Variants in FBXL19 observed in about 807,000 individuals in gnomAD.
The protein encoded by FBXL19 is F-box and leucine rich repeat protein 19.
In FBXL19, 16 loss-of-function variants were observed where a neutral mutation model predicts 71.2. The observed-to-expected ratio is 0.22, with a 90% CI of 0.15 to 0.34. The LOEUF (loss-of-function observed/expected upper bound fraction) is 0.34. Among genes scored for constraint, FBXL19 ranks in the 10% least tolerant of loss-of-function variants. The probability of loss-of-function intolerance (pLI) is 1.00; values close to 1 mark genes in which losing one functional copy is unlikely to be tolerated. For missense variants in FBXL19, 658 were observed against 968.2 expected, an observed-to-expected ratio of 0.68 and a Z score of 4.25; for synonymous variants, 447 against 409.4, an observed-to-expected ratio of 1.09 and a Z score of -1.11.
At chr16:30,923,223 G>A (rs946744443), upstream of FBXL19, 8 of 456,368 alleles carry the variant, frequency 1.8e-5, no homozygotes, top group African/African-American at 1.2e-4. Context: ...GGTCGGGGGA[G>A]AAGGCCATCT....
chr16:30,927,078 C>T (rs921572720), intron 2 of FBXL19, among the ~76,000 whole-genome samples: 1 of 152,180 alleles, frequency 6.6e-6, no homozygotes, highest in African/African-American at 2.4e-5. Flanking sequence ...CCCAAGAGTC[C>T]TGCGAGGGAA....
At chr16:30,924,846 G>A (rs2143300656) in intron 1 of FBXL19, 7 of 1,139,310 alleles carry the variant, frequency 6.1e-6, no homozygotes, top group Non-Finnish European at 8.2e-6. Context: ...CCATGGGAGG[G>A]GGAGCCCAAG....
At chr16:30,937,226 G>A (rs1320802039) in intron 7 of FBXL19, among the ~76,000 whole-genome samples, 1 of 152,050 alleles carries the variant, frequency 6.6e-6, no homozygotes, top group Non-Finnish European at 1.5e-5. Flanking sequence ...ATGAGTTCCT[G>A]TGGCCTGGGG....
At chr16:30,923,226 G>A (rs1286870651), upstream of FBXL19, 3 of 456,386 alleles carry the variant, frequency 6.6e-6, no homozygotes, top group Non-Finnish European at 1.3e-5. Context: ...CGGGGGAGAA[G>A]GCCATCTTGT....
intron 7 of FBXL19, among the ~76,000 whole-genome samples, chr16:30,934,094 A>G (rs2055704797): frequency 6.7e-6 from 1 of 150,214 alleles, no homozygotes; most frequent in African/African-American, 2.4e-5. Context: ...GCCAGGCATG[A>G]TGGCTCATAC....
At chr16:30,932,772 C>A (rs2055689316) in intron 7 of FBXL19, among the ~76,000 whole-genome samples, 1 of 151,986 alleles carries the variant, frequency 6.6e-6, no homozygotes, top group Non-Finnish European at 1.5e-5. Context: ...ACAGCAGGAC[C>A]ACTCAGGAGG....
rs1487167584 is a variant in FBXL19, at chr16:30,947,980, C to T, written c.*750C>T. 1 of 394,814 alleles carries T rather than the reference C, an allele frequency of 2.5e-6. No homozygotes were observed. Among genetic ancestry groups the T allele is most frequent in the Non-Finnish European group, 5.0e-6 (1 of 199,810 alleles). 24.5% of individuals were successfully genotyped at this position (394,814 alleles called of 1,614,324 possible). Reference sequence around the variant, plus strand: ...GGAGTGGCGAGGGGCGCCCCAACCCCCTGCCCGCCTCTCCGCACAATACTT... The same window carrying T: ...GGAGTGGCGAGGGGCGCCCCAACCCTCTGCCCGCCTCTCCGCACAATACTT... On this transcript the variant is annotated 3_prime_UTR_variant, in exon 11 of 11. Transcript: ENST00000338343.
At chr16:30,923,528 A>G (rs1467670734), upstream of FBXL19, among the ~76,000 whole-genome samples, 4 of 74,250 alleles carry the variant, frequency 5.4e-5, no homozygotes, top group Admixed American at 1.6e-4. Context: ...GAGGGGGAGG[A>G]GGAGGAGGAG....
At chr16:30,944,112 C>A (rs2055831126) in intron 9 of FBXL19, among the ~76,000 whole-genome samples, 1 of 148,206 alleles carries the variant, frequency 6.7e-6, no homozygotes, top group South Asian at 2.2e-4. Context: ...TGGTCCATTT[C>A]CTCCTGCTGG....
chr16:30,927,729 C>T lies in FBXL19; in HGVS notation c.409-16C>T, dbSNP rs773572642. ...GAGCTGTGCAGGTCCTCACCCCCAGCTTCTGTCCCGCCTAGGATTCAGGTG... is the reference window on the plus strand; with the variant it reads ...GAGCTGTGCAGGTCCTCACCCCCAGTTTCTGTCCCGCCTAGGATTCAGGTG... On this transcript the variant is annotated splice_polypyrimidine_tract_variant and intron_variant, in intron 4 of 10. Coordinates refer to ENST00000338343, the MANE Select transcript of FBXL19 (RefSeq NM_001382779.1). The T allele has an allele frequency of 1.6e-5, 25 of 1,556,174 alleles. No individual in the cohort carries two copies. In the East Asian group the frequency reaches 5.8e-4, roughly 36 times the overall value.
In FBXL19 at chr16:30,925,569, T is replaced by G; in HGVS notation, c.-24-162T>G. ...TGAGCTGCTGCAGGGAGACAGGCCT[T>G]GAGTAGAGGATTGGCCCCCAGATAC... On this transcript the variant is annotated intron_variant, in intron 1 of 10. Coordinates refer to ENST00000338343, the MANE Select transcript of FBXL19 (RefSeq NM_001382779.1). The surrounding 1 kb of genome is among the most constrained non-coding windows in gnomAD (Gnocchi z 5.0). 1.4e-5 allele frequency: 10 copies of G among 698,248 alleles called. No individual in the cohort carries two copies. The highest frequency in any genetic ancestry group is 2.1e-5 in the Non-Finnish European group (10 of 473,400). 43.3% of individuals were successfully genotyped at this position (698,248 alleles called of 1,614,324 possible). A position where few individuals can be genotyped will look rare whatever the true frequency, so the allele number is the denominator to read the frequency against.
At chr16:30,934,186 A>C (rs2055706378) in intron 7 of FBXL19, among the ~76,000 whole-genome samples, 2 of 152,168 alleles carry the variant, frequency 1.3e-5, no homozygotes, top group Admixed American at 6.5e-5. Context: ...ACATGGTGAG[A>C]CCCTGTCTCT....
In FBXL19 at chr16:30,923,750, T is replaced by C. The variant is rs2055554343; in HGVS notation, c.-734T>C. ...CCTCCCGCTTGAGGAGGGGGATTTA[T>C]TCAAATTTTATTTAAATCCCTATCT... On this transcript the variant is annotated 5_prime_UTR_variant, in exon 1 of 11. Coordinates refer to ENST00000338343, the MANE Select transcript of FBXL19 (RefSeq NM_001382779.1). Among the ~76,000 whole-genome samples, 1 of 150,240 alleles carries C rather than the reference T, an allele frequency of 6.7e-6. No homozygotes were observed. The highest frequency in any genetic ancestry group is 1.5e-5 in the Non-Finnish European group (1 of 67,478).
intron 5 of FBXL19, 56 bp downstream of exon 5, chr16:30,928,019 T>G (rs1268647260): frequency 1.6e-6 from 2 of 1,237,848 alleles, no homozygotes; most frequent in Non-Finnish European, 2.2e-6. Flanking sequence ...GGAGCTGTAG[T>G]CCTGGCTGGT....
Position 30,925,955 on chromosome 16 carries a change from G to A in FBXL19, c.177+24G>A. On this transcript the variant is annotated intron_variant, in intron 2 of 10. Transcript: ENST00000338343. This position sits in a 1 kb window ranked among gnomAD's most constrained non-coding sequence, Gnocchi z 5.0. ...CCGTGAGTTCTGCCCCCACCTTTGG[G>A]CTCTGCCCACCCTTCCCAATACCTT... 1.4e-6 allele frequency: 2 copies of A among 1,468,354 alleles called. No homozygotes were observed. Among genetic ancestry groups the A allele is most frequent in the Non-Finnish European group, 1.8e-6 (2 of 1,113,902 alleles). The allele number at this position is 1,468,354 out of a possible 1,614,324, so 91.0% of individuals were successfully genotyped here.
At chr16:30,936,776 T>C (rs2055742152) in intron 7 of FBXL19, among the ~76,000 whole-genome samples, 1 of 140,264 alleles carries the variant, frequency 7.1e-6, no homozygotes, top group Admixed American at 7.4e-5. Context: ...AGAGTCTGAC[T>C]CTGTTACCCA....
At chr16:30,940,293 GCCTGTAGTC>G (rs990158439) in intron 7 of FBXL19, among the ~76,000 whole-genome samples, 12 of 151,734 alleles carry the variant, frequency 7.9e-5, no homozygotes, top group African/African-American at 2.4e-4. Flanking sequence ...GGTGGCATGT[GCCTGTAGTC>G]CCAGCTACTC....
chr16:30,922,958 C>G, upstream of FBXL19: 1 of 429,010 alleles, frequency 2.3e-6, no homozygotes, highest in East Asian at 7.1e-5. Flanking sequence ...CCTCCTGGTT[C>G]CGCCATTCTT....
rs368475556 is a variant in FBXL19 at position 30,947,231 on chromosome 16, T to C, written c.*1T>C. ...GAAGCTGCTTCTCAAGGACAGCTAGTTGGGCGCCCCCCACCCTCCCCCGGA... is the reference window on the plus strand; with the variant it reads ...GAAGCTGCTTCTCAAGGACAGCTAGCTGGGCGCCCCCCACCCTCCCCCGGA... On this transcript the variant is annotated 3_prime_UTR_variant, in exon 11 of 11. Coordinates refer to ENST00000338343, the MANE Select transcript of FBXL19 (RefSeq NM_001382779.1). 1 of 1,577,912 alleles carries C rather than the reference T, an allele frequency of 6.3e-7. No individual in the cohort carries two copies. The highest frequency in any genetic ancestry group is 1.3e-5 in the African/African-American group (1 of 74,238).
Sources: allele counts gnomAD v4.1 joint callset (sites outside exome capture counted in the v4.1 genomes callset), GRCh38; gene constraint gnomAD v4.1.1; non-coding constraint Gnocchi (gnomAD v3.1); transcripts MANE v1.5; gene names NCBI Gene and HGNC (gene_info 2026-07-23, HGNC 2026-07-21).